Variants in DIAPH2 observed in about 807,000 individuals in gnomAD.
DIAPH2 encodes protein diaphanous homolog 2.
DIAPH2 carries 35 observed loss-of-function variants against 92.7 expected under a neutral mutation model. The ratio of observed to expected loss-of-function variants is 0.38; its 90% CI spans 0.29 to 0.50. The LOEUF (loss-of-function observed/expected upper bound fraction) is 0.50, where lower values mean the gene tolerates loss of function less well. DIAPH2 is among the 20% of genes least tolerant of loss of function. The pLI is 0.94. For synonymous variants in DIAPH2, 301 were observed against 280.4 expected, an observed-to-expected ratio of 1.07 and a Z score of -0.73; for missense variants, 701 against 819.5, an observed-to-expected ratio of 0.86 and a Z score of 1.77.
At chrX:97,482,984 A>G (rs1280118512) in intron 26 of DIAPH2, among the ~76,000 whole-genome samples, 2 of 111,521 alleles carry the variant, frequency 1.8e-5, no homozygotes, top group African/African-American at 6.5e-5. Flanking sequence ...ATATAGCTCC[A>G]GTCAGATAAA....
intron 24 of DIAPH2, among the ~76,000 whole-genome samples, chrX:97,376,092 T>TA (rs58847602): frequency 0.045 from 4,424 of 98,856 alleles, 88 homozygotes; most frequent in African/African-American, 0.063. Context: ...TAGAGATGTT[T>TA]AAAAAAAAAA....
At chrX:97,321,905 G>T (rs2068901548) in intron 23 of DIAPH2, among the ~76,000 whole-genome samples, 1 of 111,995 alleles carries the variant, frequency 8.9e-6, no homozygotes, top group Non-Finnish European at 1.9e-5. Context: ...TCCAATTTTG[G>T]CTGAGAATCA....
chrX:97,468,281 G>C (rs1210720663), intron 26 of DIAPH2, among the ~76,000 whole-genome samples: 1 of 111,126 alleles, frequency 9.0e-6, no homozygotes, highest in Non-Finnish European at 1.9e-5. Flanking sequence ...TGGTCACTTA[G>C]GATGAATGGG....
intron 22 of DIAPH2, among the ~76,000 whole-genome samples, chrX:97,226,330 G>T (rs1717843585): frequency 9.2e-6 from 1 of 109,166 alleles, no homozygotes; most frequent in Non-Finnish European, 1.9e-5. Flanking sequence ...ATTGAGGAAT[G>T]AGTATACGTT....
intron 17 of DIAPH2, among the ~76,000 whole-genome samples, chrX:97,064,299 A>C (rs915226300): frequency 5.4e-5 from 6 of 111,537 alleles, no homozygotes; most frequent in African/African-American, 2.0e-4. Context: ...AGGTGATCAG[A>C]AACTAATCAG....
At chrX:97,595,811 T>C (rs1013851566) in intron 26 of DIAPH2, among the ~76,000 whole-genome samples, 12 of 110,901 alleles carry the variant, frequency 1.1e-4, no homozygotes, top group Non-Finnish European at 3.8e-5. Flanking sequence ...TTTGTATTTT[T>C]AGTAGAGATG....
intron 4 of DIAPH2, among the ~76,000 whole-genome samples, chrX:96,766,336 C>T (rs2064303893): frequency 9.0e-6 from 1 of 110,533 alleles, no homozygotes; most frequent in South Asian, 3.8e-4. Context: ...TCTGTGACCT[C>T]CTCACATTTG....
rs753138144 is a variant in DIAPH2, at chrX:97,160,245, T to TA, written c.2719+18452dup. Among the ~76,000 whole-genome samples the TA allele has an allele frequency of 8.1e-5, 9 of 111,619 alleles. No homozygotes were observed. In the East Asian group the frequency reaches 2.5e-3, roughly 31 times the overall value. On this transcript the variant is annotated intron_variant, in intron 22 of 26. Transcript: ENST00000324765. ...CAGCTTGATTCCCTAGTTTTGTTGA[T>TA]ATGCAGAACCTCCTAAAGAAGCATC...
At chrX:97,184,239 A>G (rs1449133869) in intron 22 of DIAPH2, among the ~76,000 whole-genome samples, 1 of 111,441 alleles carries the variant, frequency 9.0e-6, no homozygotes, top group African/African-American at 3.3e-5. Flanking sequence ...TCAATTCTCA[A>G]TTTGGAAACC....
At chrX:96,754,962 T>C (rs1404472637) in intron 3 of DIAPH2, among the ~76,000 whole-genome samples, 1 of 82,457 alleles carries the variant, frequency 1.2e-5, no homozygotes, top group East Asian at 3.8e-4. Context: ...AGGAAATAGA[T>C]ACAGAACATA....
intron 17 of DIAPH2, among the ~76,000 whole-genome samples, chrX:97,031,910 A>G (rs771720261): frequency 3.2e-4 from 36 of 111,757 alleles, no homozygotes; most frequent in Non-Finnish European, 6.4e-4. Flanking sequence ...AAAATTCTAG[A>G]CACAATGAGA....
intron 24 of DIAPH2, among the ~76,000 whole-genome samples, chrX:97,353,897 C>G (rs1157803464): frequency 8.1e-5 from 9 of 110,995 alleles, no homozygotes; most frequent in Non-Finnish European, 1.7e-4. Flanking sequence ...TCACTGTATC[C>G]TCAAACTCCT....
intron 21 of DIAPH2, among the ~76,000 whole-genome samples, chrX:97,115,920 T>C (rs927823362): frequency 1.1e-4 from 12 of 111,882 alleles, no homozygotes; most frequent in African/African-American, 3.2e-4. Flanking sequence ...CTGTCTGTTA[T>C]AGAAGCCTGA....
intron 9 of DIAPH2, 143 bp downstream of exon 9, chrX:96,918,760 C>G: frequency 2.4e-6 from 1 of 423,924 alleles, no homozygotes; most frequent in East Asian, 4.4e-5. Flanking sequence ...GTGAGAATTG[C>G]AATTTGTTTA....
At chrX:97,387,160 A>G (rs1477938659) in intron 25 of DIAPH2, among the ~76,000 whole-genome samples, 1 of 111,501 alleles carries the variant, frequency 9.0e-6, no homozygotes, top group East Asian at 2.8e-4. Flanking sequence ...CCAGCCAGAA[A>G]GGTCATTTTG....
At chrX:97,490,830 A>G (rs915893107) in intron 26 of DIAPH2, among the ~76,000 whole-genome samples, 1 of 111,740 alleles carries the variant, frequency 8.9e-6, no homozygotes, top group Admixed American at 9.5e-5. Context: ...AACACGTGAT[A>G]TATTCTGGAG....
intron 25 of DIAPH2, among the ~76,000 whole-genome samples, chrX:97,406,246 T>A (rs1480550917): frequency 8.9e-6 from 1 of 111,965 alleles, no homozygotes; most frequent in African/African-American, 3.2e-5. Flanking sequence ...AATTGTTTTT[T>A]AAAAATGGAT....
At chrX:96,961,228 C>A (rs1302582254) in intron 16 of DIAPH2, among the ~76,000 whole-genome samples, 1 of 110,131 alleles carries the variant, frequency 9.1e-6, no homozygotes, top group Admixed American at 9.7e-5. Flanking sequence ...CTTTTCTTTA[C>A]TGGGGGGACT....
At chrX:97,234,331 CAAA>C (rs1182930277) in intron 22 of DIAPH2, among the ~76,000 whole-genome samples, 1 of 31,197 alleles carries the variant, frequency 3.2e-5, no homozygotes, top group Admixed American at 3.9e-4. Flanking sequence ...AACTCCATCT[CAAA>C]AAAAAAAAAA....
Sources: gnomAD v4.1 joint callset for allele counts (sites outside exome capture counted in the v4.1 genomes callset) on GRCh38, gnomAD v4.1.1 for gene constraint, MANE v1.5 for transcripts, NCBI Gene and HGNC (gene_info 2026-07-23, HGNC 2026-07-21) for gene names.